The following IL1RAP variants were observed in gnomAD, a reference collection of about 807,000 sequenced individuals.
IL1RAP encodes interleukin-1 receptor accessory protein.
IL1RAP carries 35 observed loss-of-function variants against 60.7 expected under a neutral mutation model. The observed-to-expected ratio is 0.58, with a 90% CI of 0.44 to 0.76. IL1RAP has a LOEUF of 0.76. IL1RAP is among the 30% of genes least tolerant of loss of function. IL1RAP has a pLI of 0.00. For synonymous variants in IL1RAP, 268 were observed against 250.9 expected (o/e 1.07, Z -0.64); for missense variants, 572 against 693.9 (o/e 0.82, Z 1.97).
intron 3 of IL1RAP, among the ~76,000 whole-genome samples, chr3:190,585,768 C>T (rs1359567806): frequency 2.0e-5 from 3 of 151,674 alleles, no homozygotes; most frequent in Non-Finnish European, 2.9e-5. Context: ...GCCAAGATTG[C>T]ATCACTGCAC....
chr3:190,629,892 C>A lies in IL1RAP; in HGVS notation c.1051+394C>A, dbSNP rs1024948. 1.4e-4 allele frequency: 132 copies of A among 973,886 alleles called. 1 individual carries two copies. The South Asian group carries it at 4.6e-3, about 34-fold the overall frequency. 60.3% of individuals were successfully genotyped at this position (973,886 alleles called of 1,614,324 possible). ...TTTAAAAATCATTCATGGTAGACTT[C>A]AAGAGTCATAAAAAAGATTGCATCA... On this transcript the variant is annotated intron_variant, in intron 9 of 11. Coordinates refer to ENST00000447382, the MANE Select transcript of IL1RAP (RefSeq NM_002182.4).
intron 1 of IL1RAP, among the ~76,000 whole-genome samples, chr3:190,518,250 T>A (rs911100122): frequency 1.3e-5 from 2 of 152,092 alleles, no homozygotes; most frequent in Non-Finnish European, 2.9e-5. Context: ...ATCTTTTGGC[T>A]CTGCAGCTAG....
intron 1 of IL1RAP, among the ~76,000 whole-genome samples, chr3:190,535,375 A>G (rs751983853): frequency 6.6e-6 from 1 of 152,226 alleles, no homozygotes; most frequent in African/African-American, 2.4e-5. Context: ...AGCCAAACAG[A>G]AGCAAGGAGA....
At chr3:190,575,695 C>G (rs1727380606) in intron 3 of IL1RAP, among the ~76,000 whole-genome samples, 1 of 152,122 alleles carries the variant, frequency 6.6e-6, no homozygotes. Context: ...ACTTGAACTG[C>G]AGTAAAAGGC....
chr3:190,656,398 G>A (rs1371111599), downstream of IL1RAP: 1 of 1,537,142 alleles, frequency 6.5e-7, no homozygotes, highest in African/African-American at 1.4e-5. Context: ...CTACTGTGAA[G>A]GAGAGAATCA....
At chr3:190,549,831 A>T (rs1724707719) in intron 1 of IL1RAP, among the ~76,000 whole-genome samples, 1 of 152,210 alleles carries the variant, frequency 6.6e-6, no homozygotes, top group Admixed American at 6.5e-5. Flanking sequence ...AAGAGAGGGC[A>T]GAGGAGGAGA....
intron 9 of IL1RAP, among the ~76,000 whole-genome samples, chr3:190,639,047 A>T (rs1365590641): frequency 6.6e-6 from 1 of 152,016 alleles, no homozygotes; most frequent in African/African-American, 2.4e-5. Context: ...AGATTTTAAG[A>T]TCACCTTTTC....
At chr3:190,647,317 T>C (rs1261991703) in intron 11 of IL1RAP, among the ~76,000 whole-genome samples, 4 of 152,168 alleles carry the variant, frequency 2.6e-5, no homozygotes, top group African/African-American at 9.7e-5. Flanking sequence ...GCAAAATGAC[T>C]TCATAAAGGA....
downstream of IL1RAP, chr3:190,656,468 G>A: frequency 1.3e-6 from 2 of 1,537,252 alleles, no homozygotes; most frequent in African/African-American, 1.4e-5. Flanking sequence ...ACACACCTCT[G>A]TAAGCCTGTT....
At chr3:190,652,996 G>A (rs941205008), downstream of IL1RAP, among the ~76,000 whole-genome samples, 9 of 152,094 alleles carry the variant, frequency 5.9e-5, no homozygotes, top group Admixed American at 1.3e-4. Context: ...TATGAGAGAC[G>A]GGTTTAGCAA....
At chr3:190,521,629 G>A (rs1722025532) in intron 1 of IL1RAP, among the ~76,000 whole-genome samples, 1 of 151,932 alleles carries the variant, frequency 6.6e-6, no homozygotes, top group East Asian at 1.9e-4. Context: ...TATCTCATTG[G>A]CCTCGGTGAG....
chr3:190,629,400 T>C lies in IL1RAP; in HGVS notation c.953T>C (p.Ile318Thr). The change falls in exon 9 of 12, where the codon ATC becomes ACC. Residue 318 changes from isoleucine (I) to threonine (T), a missense_variant. Coordinates refer to ENST00000447382, the MANE Select transcript of IL1RAP (RefSeq NM_002182.4). ...EDETRTQILS[I>T]KKVTSEDLKR... ...GAAACAAGAACTCAGATTTTGAGCA[T>C]CAAGAAAGTTACCTCTGAGGATCTC... 1 of 1,613,624 alleles carries C rather than the reference T, an allele frequency of 6.2e-7. No homozygotes were observed. The highest frequency in any genetic ancestry group is 8.5e-7 in the Non-Finnish European group (1 of 1,179,808).
chr3:190,627,467 A>C lies in IL1RAP; in HGVS notation c.902+18A>C. 6.2e-7 allele frequency: 1 copy of C among 1,605,916 alleles called. No homozygotes were observed. Among genetic ancestry groups the C allele is most frequent in the Non-Finnish European group, 8.5e-7 (1 of 1,177,186 alleles). On this transcript the variant is annotated intron_variant, in intron 8 of 11. Coordinates refer to ENST00000447382, the MANE Select transcript of IL1RAP (RefSeq NM_002182.4). The stretch of plus-strand genomic sequence containing the variant: ...AACGAAAGGTATCATGGGGGCCAGC[A>C]AGGGAGTGATTAACCTTTGTTTCTC...
intron 2 of IL1RAP, among the ~76,000 whole-genome samples, chr3:190,559,785 T>C (rs1725729448): frequency 6.6e-6 from 1 of 152,224 alleles, no homozygotes; most frequent in Admixed American, 6.5e-5. Flanking sequence ...TTATGATACA[T>C]GATACGGTGT....
chr3:190,597,971 G>A (rs964307300), intron 3 of IL1RAP, among the ~76,000 whole-genome samples: 1 of 152,112 alleles, frequency 6.6e-6, no homozygotes, highest in Admixed American at 6.5e-5. Flanking sequence ...TCCTTAATAA[G>A]GGCACTGTTA....
chr3:190,619,149 T>TAA (rs939598017), intron 5 of IL1RAP, among the ~76,000 whole-genome samples: 19 of 152,232 alleles, frequency 1.2e-4, no homozygotes, highest in Non-Finnish European at 4.4e-5. Context: ...AAAGCTTTTC[T>TAA]AAAAGTAAAT....
chr3:190,619,336 A>C (rs1392592534), intron 5 of IL1RAP, among the ~76,000 whole-genome samples: 1 of 152,240 alleles, frequency 6.6e-6, no homozygotes, highest in Non-Finnish European at 1.5e-5. Flanking sequence ...GTCAACAGTT[A>C]TATGCAAATG....
intron 11 of IL1RAP, among the ~76,000 whole-genome samples, chr3:190,646,835 A>G (rs1734049728): frequency 1.3e-5 from 2 of 152,176 alleles, no homozygotes; most frequent in African/African-American, 4.8e-5. Flanking sequence ...TATCTTCCCA[A>G]TCATCAACCA....
At position 190,568,855 on chromosome 3, in the gene IL1RAP, C is replaced by A. The variant is rs57221568; in HGVS notation, c.64+4502C>A. ...ATTTCACTTTATTCTAAAGATCATG[C>A]GTTTGACCATTTTAGATTGTAGAAT... On this transcript the variant is annotated intron_variant, in intron 3 of 11. Coordinates refer to ENST00000447382, the MANE Select transcript of IL1RAP (RefSeq NM_002182.4). Among the ~76,000 whole-genome samples, 9 of 152,192 alleles carry A rather than the reference C, an allele frequency of 5.9e-5. No individual in the cohort carries two copies. In the East Asian group the frequency reaches 1.5e-3, roughly 26 times the overall value.
Sources: gnomAD v4.1 joint callset for allele counts (sites outside exome capture counted in the v4.1 genomes callset) on GRCh38, gnomAD v4.1.1 for gene constraint, MANE v1.5 for transcripts, NCBI Gene and HGNC (gene_info 2026-07-23, HGNC 2026-07-21) for gene names.